TTC5: variants seen among roughly 807,000 people sequenced by gnomAD.
TTC5 encodes the protein tetratricopeptide repeat domain 5.
Under a neutral mutation model 57.4 loss-of-function variants are expected in TTC5, and 46 were observed. The observed-to-expected ratio is 0.80, with a 90% CI of 0.63 to 1.03. The LOEUF (loss-of-function observed/expected upper bound fraction) is 1.03. Ranked by LOEUF, TTC5 falls within the 50% of genes least tolerant of loss-of-function variation. The pLI, the probability that TTC5 is intolerant of heterozygous loss-of-function variation, is 0.00. For synonymous variants in TTC5, 190 were observed against 203.5 expected, an observed-to-expected ratio of 0.93 and a Z score of 0.57; for missense variants, 504 against 528.1, an observed-to-expected ratio of 0.95 and a Z score of 0.45.
At position 20,301,944 on chromosome 14, in the gene TTC5, A is replaced by G. The variant is rs370388161; in HGVS notation, c.73T>C (p.Ser25Pro). The G allele has an allele frequency of 1.2e-6, 2 of 1,614,116 alleles. No homozygotes were observed. Among genetic ancestry groups the G allele is most frequent in the African/African-American group, 1.3e-5 (1 of 75,046 alleles). ...GTCTCGAAATAGCAGTCTCGAAATG[A>G]GTAGAGCTGATCCACGAGTTCCTAA... ...KLQELVDQLY[S>P]FRDCYFETHS... Residue 25 changes from serine (S) to proline (P), a missense_variant, in exon 2 of 10, where the codon TCA (serine) becomes CCA (proline). By Grantham distance (74) the Ser-to-Pro change is moderately conservative (BLOSUM62 -1). Transcript: ENST00000258821.
intron 5 of TTC5, among the ~76,000 whole-genome samples, chr14:20,297,084 A>C (rs1411361123): frequency 6.6e-6 from 1 of 152,234 alleles, no homozygotes; most frequent in Non-Finnish European, 1.5e-5. Flanking sequence ...AAGTGCTGGT[A>C]ATAAATGAAG....
intron 3 of TTC5, among the ~76,000 whole-genome samples, chr14:20,299,891 T>C (rs907915306): frequency 3.3e-5 from 5 of 151,568 alleles, no homozygotes; most frequent in Admixed American, 1.3e-4. Flanking sequence ...TCTGATGGAG[T>C]GCAGAGGCAC....
rs1171821511 is a variant in TTC5 at position 20,301,868 on chromosome 14, A to G, written c.149T>C (p.Met50Thr). The G allele has an allele frequency of 5.0e-6, 8 of 1,614,088 alleles. No individual in the cohort carries two copies. Among genetic ancestry groups the G allele is most frequent in the Non-Finnish European group, 5.9e-6 (7 of 1,180,004 alleles). ...TTCCATCTGCTGTAGGGTTTTCTCC[A>G]TCTCCTTCTGCACATCCTGTTGCTT... Reference protein sequence around the residue: ...GRKQQDVQKEMEKTLQQMEEV... With the variant: ...GRKQQDVQKETEKTLQQMEEV... The change falls in exon 2 of 10, where the codon ATG (methionine) becomes ACG (threonine). Residue 50 changes from methionine (M) to threonine (T), a missense_variant. Physicochemically the swap from Met to Thr is moderately conservative, Grantham distance 81 (BLOSUM62 -1). Transcript: ENST00000258821.
At chr14:20,290,824 T>C (rs997527571) in intron 9 of TTC5, among the ~76,000 whole-genome samples, 2 of 152,206 alleles carry the variant, frequency 1.3e-5, no homozygotes, top group Non-Finnish European at 2.9e-5. Context: ...AAGGGACAGA[T>C]AGTAAATATT....
Position 20,289,440 on chromosome 14 carries a change from A to C in TTC5, c.*187T>G. 1.8e-6 allele frequency: 1 copy of C among 545,578 alleles called. No homozygotes were observed. The highest frequency in any genetic ancestry group is 3.0e-6 in the Non-Finnish European group (1 of 333,004). The allele number at this position is 545,578 out of a possible 1,614,324, so 33.8% of individuals were successfully genotyped here. Reference sequence around the variant, plus strand: ...ATGCCAGAAGAGTATGTGGCCCTGTAGAGAGCTGGAACATGATGAGGACAG... The same window carrying C: ...ATGCCAGAAGAGTATGTGGCCCTGTCGAGAGCTGGAACATGATGAGGACAG... On this transcript the variant is annotated 3_prime_UTR_variant, in exon 10 of 10. Transcript: ENST00000258821.
intron 6 of TTC5, 59 bp from the exon 7 acceptor site, chr14:20,295,913 G>A (rs1240828083): frequency 6.9e-7 from 1 of 1,448,616 alleles, no homozygotes; most frequent in Non-Finnish European, 9.3e-7. Context: ...CCGAGGGAAT[G>A]GCACCATGGG....
At chr14:20,302,285 C>A (rs1882209888) in intron 1 of TTC5, among the ~76,000 whole-genome samples, 1 of 152,214 alleles carries the variant, frequency 6.6e-6, no homozygotes, top group Non-Finnish European at 1.5e-5. Flanking sequence ...GAGGGAAACA[C>A]TGCAACTTAA....
chr14:20,298,681 G>A (rs768369670), intron 5 of TTC5, 116 bp downstream of exon 5: 13 of 698,150 alleles, frequency 1.9e-5, no homozygotes, highest in Non-Finnish European at 2.4e-5. Flanking sequence ...AAAATGAGAT[G>A]CCAGCAAACA....
intron 9 of TTC5, among the ~76,000 whole-genome samples, chr14:20,290,606 T>C (rs1215599311): frequency 6.6e-6 from 1 of 152,256 alleles, no homozygotes; most frequent in Non-Finnish European, 1.5e-5. Flanking sequence ...AACTAACTAG[T>C]ACAATTTTCC....
At chr14:20,299,523 T>G in intron 3 of TTC5, 75 bp from the exon 4 acceptor site, 1 of 1,518,670 alleles carries the variant, frequency 6.6e-7, no homozygotes, top group Non-Finnish European at 9.0e-7. Context: ...GAACTCAGTC[T>G]TCTAAATCTA....
intron 1 of TTC5, among the ~76,000 whole-genome samples, chr14:20,303,406 G>A (rs1426887252): frequency 6.6e-6 from 1 of 152,144 alleles, no homozygotes; most frequent in African/African-American, 2.4e-5. Context: ...AAAACTTCGA[G>A]TCCTAAGCAT....
chr14:20,291,667 T>C (rs1375181924), intron 9 of TTC5, among the ~76,000 whole-genome samples: 2 of 152,302 alleles, frequency 1.3e-5, no homozygotes, highest in East Asian at 1.9e-4. Context: ...ATTTAAAATA[T>C]AGATATATGT....
intron 6 of TTC5, 23 bp downstream of exon 6, chr14:20,296,367 T>G (rs1199711345): frequency 6.3e-7 from 1 of 1,599,578 alleles, no homozygotes; most frequent in Non-Finnish European, 8.6e-7. Context: ...GACCCTCAGA[T>G]GACTACACCC....
rs780847438 is a variant in TTC5 at position 20,305,906 on chromosome 14, GGCTTGACTTCTTCCTCTTCATCA to G, written c.9_31del (p.Glu5LeufsTer23). The G allele has an allele frequency of 6.2e-7, 1 of 1,613,782 alleles. No homozygotes were observed. Among genetic ancestry groups the G allele is most frequent in the African/African-American group, 1.3e-5 (1 of 74,808 alleles). The stretch of plus-strand genomic sequence containing the variant: ...CCCCACCTGCAATTTCTGCAAGATC[GGCTTGACTTCTTCCTCTTCATCA>G]GCCATCATCTCCCGGCCACTCCACC... On this transcript the variant is annotated frameshift_variant, in exon 1 of 10. Transcript: ENST00000258821. LOFTEE classifies it high-confidence loss of function.
chr14:20,304,615 A>G (rs2138821371), intron 1 of TTC5, among the ~76,000 whole-genome samples: 1 of 152,280 alleles, frequency 6.6e-6, no homozygotes, highest in South Asian at 2.1e-4. Flanking sequence ...CCCCAAGATA[A>G]CGGAAGTATC....
Position 20,295,609 on chromosome 14 carries a change from A to T in TTC5, c.844-83T>A. ...TAATCCTTCCCTCCCACCCACTTCT[A>T]TAGGGTCTCTACCTCGTAAACCTAT... On this transcript the variant is annotated intron_variant, in intron 7 of 9. Coordinates refer to ENST00000258821, the MANE Select transcript of TTC5 (RefSeq NM_138376.3). The T allele has an allele frequency of 1.9e-6, 3 of 1,553,500 alleles. No individual in the cohort carries two copies. The South Asian group carries it at 3.6e-5, about 19-fold the overall frequency.
chr14:20,301,960 G>C lies in TTC5; in HGVS notation c.57C>G (p.Leu19=). 2 of 1,613,940 alleles carry C rather than the reference G, an allele frequency of 1.2e-6. No individual in the cohort carries two copies. The highest frequency in any genetic ancestry group is 1.7e-6 in the Non-Finnish European group (2 of 1,179,916). ...VKPILQKLQE[L]VDQLYSFRDC... is the part of the protein sequence containing the mutation. Reference sequence around the variant, plus strand: ...CTCGAAATGAGTAGAGCTGATCCACGAGTTCCTAAAAAGTATGACAATGGA... The same window carrying C: ...CTCGAAATGAGTAGAGCTGATCCACCAGTTCCTAAAAAGTATGACAATGGA... The change falls in exon 2 of 10, where the codon CTC becomes CTG. Residue 19 remains leucine (L), a synonymous_variant. Transcript: ENST00000258821.
rs747902957 is a variant in TTC5, at chr14:20,299,405, C to T, written c.440G>A (p.Arg147His). Residue 147 changes from arginine (R) to histidine (H), a missense_variant, in exon 4 of 10, where the codon CGT becomes CAT. Arg to His is a conservative substitution (Grantham distance 29). Transcript: ENST00000258821. ...ATCTTCAGTGTCAGTCCGCAGCTGA[C>T]GAAGCACCATTGACAGGTTTTGCAA... ...VSLQNLSMVL[R>H]QLRTDTEDEH... is the part of the protein sequence containing the mutation. 1.1e-5 allele frequency: 18 copies of T among 1,613,956 alleles called. No individual in the cohort carries two copies. Among genetic ancestry groups the T allele is most frequent in the African/African-American group, 6.7e-5 (5 of 74,924 alleles).
intron 4 of TTC5, among the ~76,000 whole-genome samples, 155 bp downstream of exon 4, chr14:20,299,143 G>A (rs546765987): frequency 5.3e-5 from 8 of 152,300 alleles, no homozygotes; most frequent in Non-Finnish European, 7.4e-5. Context: ...TCCTAGAAAA[G>A]TAGTTCCCCA....
Sources: gnomAD v4.1 joint callset for allele counts (sites outside exome capture counted in the v4.1 genomes callset) on GRCh38, gnomAD v4.1.1 for gene constraint, MANE v1.5 for transcripts, NCBI Gene and HGNC (gene_info 2026-07-23, HGNC 2026-07-21) for gene names.